ZFHX3: variants seen among roughly 807,000 people sequenced by gnomAD.
ZFHX3 encodes the protein zinc finger homeobox protein 3.
In ZFHX3, 42 loss-of-function variants were observed where a neutral mutation model predicts 279.1. The ratio of observed to expected loss-of-function variants is 0.15; its 90% CI spans 0.12 to 0.19. The LOEUF (loss-of-function observed/expected upper bound fraction) is 0.19. ZFHX3 is among the 10% of genes least tolerant of loss of function. The pLI, the probability that ZFHX3 is intolerant of heterozygous loss-of-function variation, is 1.00. For missense variants in ZFHX3, 4,981 were observed against 4,754.0 expected, an observed-to-expected ratio of 1.05 and a Z score of -1.40; for synonymous variants, 2,293 against 1,957.8, an observed-to-expected ratio of 1.17 and a Z score of -4.52.
chr16:73,420,554 A>G (rs943257608), intron 3 of ZFHX3: 3 of 152,220 alleles, frequency 2.0e-5, no homozygotes, highest in African/African-American at 7.2e-5. Context: ...AACAAAGCGC[A>G]TATTGCCAAG....
intron 1 of ZFHX3, among the ~76,000 whole-genome samples, chr16:72,975,360 T>C (rs1962303072): frequency 6.6e-6 from 1 of 152,142 alleles, no homozygotes; most frequent in Admixed American, 6.5e-5. Context: ...GCAGAATCAC[T>C]TGAACCCGGG....
intron 1 of ZFHX3, among the ~76,000 whole-genome samples, chr16:73,718,714 C>G (rs978362940): frequency 6.6e-6 from 1 of 151,664 alleles, no homozygotes; most frequent in African/African-American, 2.4e-5. Context: ...CTCCTGGGTT[C>G]AAGCGATTCT....
chr16:73,077,050 C>A (rs1403370489), intron 8 of ZFHX3, among the ~76,000 whole-genome samples: 3 of 152,112 alleles, frequency 2.0e-5, no homozygotes, highest in Non-Finnish European at 4.4e-5. Context: ...AACTATTCCC[C>A]TCCTTTGGGA....
chr16:73,682,906 G>GAAAGAGAA (rs1323501382), intron 1 of ZFHX3, among the ~76,000 whole-genome samples: 1,352 of 28,500 alleles, frequency 0.047, 125 homozygotes, highest in African/African-American at 0.094. Context: ...AAGAAAGAAA[G>GAAAGAGAA]AGAAAGAAAG....
chr16:72,861,334 AC>A (rs538686429), intron 4 of ZFHX3, among the ~76,000 whole-genome samples: 77 of 152,342 alleles, frequency 5.1e-4, no homozygotes, highest in Middle Eastern at 3.4e-3. Context: ...TGCAATGTGA[AC>A]CCAACCCCCA....
At chr16:73,774,280 A>G (rs1034066013) in intron 1 of ZFHX3, among the ~76,000 whole-genome samples, 2 of 152,188 alleles carry the variant, frequency 1.3e-5, no homozygotes, top group Admixed American at 6.5e-5. Context: ...TAGAATCCCC[A>G]TGGCCTAGCA....
At chr16:73,443,206 A>G (rs1281468427) in intron 3 of ZFHX3, among the ~76,000 whole-genome samples, 1 of 152,208 alleles carries the variant, frequency 6.6e-6, no homozygotes, top group African/African-American at 2.4e-5. Context: ...GAAAGAAGGG[A>G]AAGAAATAAA....
At chr16:72,985,689 C>T (rs892358552) in intron 1 of ZFHX3, among the ~76,000 whole-genome samples, 1 of 152,138 alleles carries the variant, frequency 6.6e-6, no homozygotes, top group African/African-American at 2.4e-5. Flanking sequence ...CTGGTTAAAA[C>T]CCTCCCTTCT....
chr16:73,273,926 C>G (rs958995170), intron 4 of ZFHX3, among the ~76,000 whole-genome samples: 1 of 151,874 alleles, frequency 6.6e-6, no homozygotes, highest in Admixed American at 6.6e-5. Flanking sequence ...GTGGATCACC[C>G]GAGGTCAGGA....
chr16:72,971,878 A>ATTTTTTTT (rs34508228), intron 1 of ZFHX3, among the ~76,000 whole-genome samples: 7 of 95,468 alleles, frequency 7.3e-5, no homozygotes, highest in East Asian at 2.6e-4. Context: ...CTGCCTATTA[A>ATTTTTTTT]TTTTTTTTTT....
chr16:73,113,838 A>G (rs973998305), intron 7 of ZFHX3, among the ~76,000 whole-genome samples: 1 of 133,190 alleles, frequency 7.5e-6, no homozygotes, highest in Admixed American at 8.7e-5. Context: ...TGTGTCACCC[A>G]GGCTGGAGTG....
chr16:73,073,652 C>A (rs1168851620), intron 8 of ZFHX3, among the ~76,000 whole-genome samples: 2 of 152,156 alleles, frequency 1.3e-5, no homozygotes, highest in Non-Finnish European at 2.9e-5. Context: ...GCACCTGCCA[C>A]CATGCCCAGC....
chr16:73,305,192 A>T (rs1259916203), intron 4 of ZFHX3, among the ~76,000 whole-genome samples: 2 of 152,180 alleles, frequency 1.3e-5, no homozygotes, highest in African/African-American at 4.8e-5. Context: ...GGTGGGAGGA[A>T]GGTGGGTGTA....
chr16:73,352,454 G>GTT (rs1408173668), intron 3 of ZFHX3, among the ~76,000 whole-genome samples: 1 of 133,882 alleles, frequency 7.5e-6, no homozygotes, highest in Non-Finnish European at 1.6e-5. Context: ...CAAGCCTTTG[G>GTT]TTTCTCTCTC....
At chr16:73,479,412 T>C (rs2018826489) in intron 2 of ZFHX3, among the ~76,000 whole-genome samples, 1 of 152,090 alleles carries the variant, frequency 6.6e-6, no homozygotes, top group South Asian at 2.1e-4. Context: ...TCATCCTTCA[T>C]CCATGCTATT....
At chr16:72,922,381 C>T (rs1345407708) in intron 3 of ZFHX3, among the ~76,000 whole-genome samples, 2 of 152,176 alleles carry the variant, frequency 1.3e-5, no homozygotes, top group East Asian at 3.9e-4. Flanking sequence ...TCCCTTTGGC[C>T]TCTGTCACTT....
chr16:73,183,219 A>C (rs1268211028), intron 5 of ZFHX3, among the ~76,000 whole-genome samples: 1 of 152,184 alleles, frequency 6.6e-6, no homozygotes, highest in East Asian at 1.9e-4. Flanking sequence ...AAAACAAAAA[A>C]AATTACCTCT....
Position 73,810,382 on chromosome 16 carries a change from G to C in ZFHX3, c.-1608+81269C>G, listed in dbSNP as rs56706420. The stretch of plus-strand genomic sequence containing the variant: ...TTGCATAGAAAGTTTACAAATAAAG[G>C]TTCTTTAAAAAGATAAGTCTTTAAT... On this transcript the variant is annotated intron_variant, in intron 1 of 17. Transcript: ENST00000641206. Among the ~76,000 whole-genome samples the C allele has an allele frequency of 3.9e-5, 6 of 152,146 alleles. No homozygotes were observed. In the East Asian group the frequency reaches 7.7e-4, roughly 20 times the overall value.
At chr16:73,130,865 C>G in intron 7 of ZFHX3, 1 of 1,028,854 alleles carries the variant, frequency 9.7e-7, no homozygotes, top group Non-Finnish European at 1.3e-6. Context: ...GCCTCGGCCT[C>G]CCAAAGTGCT....
Sources: gnomAD v4.1 joint callset for allele counts (sites outside exome capture counted in the v4.1 genomes callset) on GRCh38, gnomAD v4.1.1 for gene constraint, MANE v1.5 for transcripts, NCBI Gene and HGNC (gene_info 2026-07-23, HGNC 2026-07-21) for gene names.